Variants in CSMD1 observed in about 807,000 individuals in gnomAD.
The protein encoded by CSMD1 is CUB and Sushi multiple domains 1.
CSMD1 carries 213 observed loss-of-function variants against 417.5 expected under a neutral mutation model. That is an observed-to-expected ratio of 0.51 (90% confidence interval 0.46 to 0.57). CSMD1 has a LOEUF of 0.57. Ranked by LOEUF, CSMD1 falls within the 20% of genes least tolerant of loss-of-function variation. CSMD1 has a pLI of 0.00. For synonymous variants in CSMD1, 2,862 were observed against 1,736.8 expected (o/e 1.65, Z -16.11); for missense variants, 6,923 against 4,529.7 (o/e 1.53, Z -15.17).
chr8:4,515,975 C>T (rs190330723), intron 2 of CSMD1, among the ~76,000 whole-genome samples: 2 of 152,280 alleles, frequency 1.3e-5, no homozygotes, highest in East Asian at 3.9e-4. Context: ...CTTCACCTGA[C>T]AGCTGTTACC....
rs74411805 is a variant in CSMD1 at position 3,958,034 on chromosome 8, A to T, written c.818+39869T>A. Among the ~76,000 whole-genome samples, 924 of 152,312 alleles carry T rather than the reference A, an allele frequency of 6.1e-3. 17 individuals are homozygous for T. The highest frequency in any genetic ancestry group is 0.021 in the African/African-American group (892 of 41,564). On this transcript the variant is annotated intron_variant, in intron 5 of 69. Coordinates refer to ENST00000635120, the MANE Select transcript of CSMD1 (RefSeq NM_033225.6). ...CAGAGAAGACAACTAATAGAATATCATTCTCTTAGTTGTGCCTGTATACTG... is the reference window on the plus strand; with the variant it reads ...CAGAGAAGACAACTAATAGAATATCTTTCTCTTAGTTGTGCCTGTATACTG...
intron 1 of CSMD1, among the ~76,000 whole-genome samples, chr8:4,887,056 G>C (rs1184734209): frequency 1.3e-5 from 2 of 151,808 alleles, no homozygotes; most frequent in African/African-American, 4.8e-5. Flanking sequence ...AATGTGCTAG[G>C]TGGAAGTTTA....
chr8:3,279,170 G>C (rs1030155450), intron 26 of CSMD1: 4 of 152,162 alleles, frequency 2.6e-5, no homozygotes, highest in African/African-American at 7.2e-5. Flanking sequence ...GATCCTTAGA[G>C]AGAAACACAT....
intron 7 of CSMD1, among the ~76,000 whole-genome samples, chr8:3,694,949 G>T (rs900662960): frequency 6.6e-6 from 1 of 152,032 alleles, no homozygotes; most frequent in Non-Finnish European, 1.5e-5. Context: ...AGTTCAGTAT[G>T]TCAAGAAAAG....
chr8:4,849,392 T>C (rs2116822697), intron 1 of CSMD1, among the ~76,000 whole-genome samples: 1 of 152,042 alleles, frequency 6.6e-6, no homozygotes, highest in East Asian at 1.9e-4. Context: ...TTCAATAGAA[T>C]AAAGAAAAAA....
At chr8:3,697,706 G>C (rs1330730533) in intron 7 of CSMD1, among the ~76,000 whole-genome samples, 1 of 151,898 alleles carries the variant, frequency 6.6e-6, no homozygotes. Context: ...AATTACATAG[G>C]AATAGAAAGT....
At chr8:3,290,448 C>T (rs955267717) in intron 25 of CSMD1, among the ~76,000 whole-genome samples, 5 of 143,840 alleles carry the variant, frequency 3.5e-5, no homozygotes, top group Non-Finnish European at 7.4e-5. Context: ...ATTGATTCTT[C>T]CTACCTATGA....
chr8:4,727,721 C>A (rs1809549677), intron 1 of CSMD1, among the ~76,000 whole-genome samples: 1 of 151,958 alleles, frequency 6.6e-6, no homozygotes, highest in African/African-American at 2.4e-5. Context: ...TGCCAGTAAT[C>A]TTCCTCTTTC....
chr8:4,489,675 A>T (rs1154087), intron 2 of CSMD1, among the ~76,000 whole-genome samples: 2 of 152,154 alleles, frequency 1.3e-5, no homozygotes, highest in Non-Finnish European at 2.9e-5. Context: ...GTGAGCACCT[A>T]TGTTTGATCT....
At chr8:3,869,761 G>A (rs1459898620) in intron 5 of CSMD1, among the ~76,000 whole-genome samples, 1 of 152,044 alleles carries the variant, frequency 6.6e-6, no homozygotes, top group African/African-American at 2.4e-5. Flanking sequence ...AGGCAACACG[G>A]GGCCAGGGGT....
chr8:4,024,727 A>C (rs1294332642), intron 4 of CSMD1, among the ~76,000 whole-genome samples: 1 of 152,200 alleles, frequency 6.6e-6, no homozygotes, highest in Non-Finnish European at 1.5e-5. Flanking sequence ...GGAGTTGCAC[A>C]TAGGAGCTAC....
rs571997179 is a variant in CSMD1 at position 3,729,978 on chromosome 8, G to C, written c.932-21487C>G. 6.5e-5 allele frequency among the ~76,000 whole-genome samples: 6 copies of C among 92,722 alleles called. 2 individuals carry two copies. The highest frequency in any genetic ancestry group is 3.4e-4 in the East Asian group (1 of 2,926). The allele number at this position is 92,722 out of a possible 152,430, so 60.8% of individuals were successfully genotyped here. A position where few individuals can be genotyped will look rare whatever the true frequency, so the allele number is the denominator to read the frequency against. ...AAAAAAAAACAAAAACAGAAGAACG[G>C]ATACATAATAATGTTTCAAAAAGTT... On this transcript the variant is annotated intron_variant, in intron 6 of 69. Coordinates refer to ENST00000635120, the MANE Select transcript of CSMD1 (RefSeq NM_033225.6).
chr8:4,406,158 T>G (rs1043939208), intron 3 of CSMD1, among the ~76,000 whole-genome samples: 13 of 152,190 alleles, frequency 8.5e-5, no homozygotes, highest in Admixed American at 8.5e-4. Context: ...GTGCACACAT[T>G]AGAATTTAGA....
intron 3 of CSMD1, among the ~76,000 whole-genome samples, chr8:4,093,594 A>G (rs1437107302): frequency 2.0e-5 from 3 of 152,206 alleles, no homozygotes; most frequent in South Asian, 2.1e-4. Context: ...GAATATCGGT[A>G]TGCTTTTTCC....
At chr8:3,288,350 A>G (rs1417943322) in intron 25 of CSMD1, among the ~76,000 whole-genome samples, 1 of 146,926 alleles carries the variant, frequency 6.8e-6, no homozygotes, top group Non-Finnish European at 1.5e-5. Context: ...TTTTCTATTG[A>G]TTGGAATAGT....
chr8:3,654,578 T>A (rs143399817), intron 7 of CSMD1, among the ~76,000 whole-genome samples: 1 of 152,166 alleles, frequency 6.6e-6, no homozygotes, highest in Non-Finnish European at 1.5e-5. Flanking sequence ...GAAGAAAAAA[T>A]TGTCTACATA....
intron 1 of CSMD1, among the ~76,000 whole-genome samples, chr8:4,848,039 T>G (rs1308894269): frequency 1.3e-5 from 2 of 152,196 alleles, no homozygotes; most frequent in African/African-American, 4.8e-5. Flanking sequence ...TAGATTTCCC[T>G]GTTGGGGACA....
chr8:3,274,311 G>T lies in CSMD1; in HGVS notation c.4153+9833C>A, dbSNP rs558709554. Among the ~76,000 whole-genome samples, 5 of 152,246 alleles carry T rather than the reference G, an allele frequency of 3.3e-5. No homozygotes were observed. In the East Asian group the frequency reaches 7.7e-4, roughly 24 times the overall value. On this transcript the variant is annotated intron_variant, in intron 26 of 69. Transcript: ENST00000635120. Reference sequence around the variant, plus strand: ...TGAGAGACAGTTTGTTACAATTTCTGTTCTTTTATATTTGCTGAGGAGTGC... The same window carrying T: ...TGAGAGACAGTTTGTTACAATTTCTTTTCTTTTATATTTGCTGAGGAGTGC...
chr8:3,861,186 T>A (rs114365316), intron 5 of CSMD1, among the ~76,000 whole-genome samples: 7 of 152,264 alleles, frequency 4.6e-5, no homozygotes, highest in South Asian at 2.1e-4. Flanking sequence ...CTCACCTGTT[T>A]CTTGGCAACG....
Sources: allele counts gnomAD v4.1 joint callset (sites outside exome capture counted in the v4.1 genomes callset), GRCh38; gene constraint gnomAD v4.1.1; transcripts MANE v1.5; gene names NCBI Gene and HGNC (gene_info 2026-07-23, HGNC 2026-07-21).